Variants in CDK10 observed in about 807,000 individuals in gnomAD.
The protein encoded by CDK10 is cyclin dependent kinase 10.
A neutral mutation model predicts 51.0 loss-of-function variants in CDK10; 55 were observed. The ratio of observed to expected loss-of-function variants is 1.08; its 90% confidence interval spans 0.87 to 1.35. CDK10 has a LOEUF of 1.35. Among genes scored for constraint, CDK10 ranks in the 40% most tolerant of loss-of-function variants. CDK10 has a pLI of 0.00. For synonymous variants in CDK10, 255 were observed against 199.1 expected (o/e 1.28, Z -2.36); for missense variants, 589 against 485.1 (o/e 1.21, Z -2.01).
chr16:89,687,841 A>G (rs1597832519), intron 1 of CDK10: 2 of 346,990 alleles, frequency 5.8e-6, no homozygotes, highest in Non-Finnish European at 1.2e-5. Flanking sequence ...AAGGCGGGAA[A>G]GGGAGTTTGA....
In CDK10 at chr16:89,686,807, G is replaced by A; in HGVS notation, c.87+10G>A. The A allele has an allele frequency of 6.2e-7, 1 of 1,604,972 alleles. No homozygotes were observed. Among genetic ancestry groups the A allele is most frequent in the Non-Finnish European group, 8.5e-7 (1 of 1,175,048 alleles). ...GCCTCCGGAACACAGGGTGCGCGGG[G>A]TGCCACCCGGGCAGCTCTGCCCGCC... On this transcript the variant is annotated intron_variant, in intron 1 of 12. Transcript: ENST00000353379.
In CDK10 at chr16:89,695,865, C is replaced by T. The variant is rs547880451; in HGVS notation, c.*173C>T. 332 of 1,457,352 alleles carry T rather than the reference C, an allele frequency of 2.3e-4. No homozygotes were observed. Among genetic ancestry groups the T allele is most frequent in the Admixed American group, 3.0e-4 (15 of 50,682 alleles). The allele number at this position is 1,457,352 out of a possible 1,614,324, so 90.3% of individuals were successfully genotyped here. Reference sequence around the variant, plus strand: ...GTCTGCCCTGAACCCACTGCTGCCCCCAGAAAAAGGCCGGGTGACACCGGG... The same window carrying T: ...GTCTGCCCTGAACCCACTGCTGCCCTCAGAAAAAGGCCGGGTGACACCGGG... On this transcript the variant is annotated 3_prime_UTR_variant, in exon 13 of 13. Coordinates refer to ENST00000353379, the MANE Select transcript of CDK10 (RefSeq NM_052988.5).
chr16:89,694,163 C>T lies in CDK10; in HGVS notation c.609-10C>T. ...GCCGGCTGTATTGAGGTGGGTGCTT[C>T]TGTGTGTAGGTACCGAGCCCCTGAA... is the stretch of plus-strand genomic sequence containing the variant. On this transcript the variant is annotated splice_polypyrimidine_tract_variant and intron_variant, in intron 8 of 12. Transcript: ENST00000353379. 1 of 1,613,858 alleles carries T rather than the reference C, an allele frequency of 6.2e-7. No individual in the cohort carries two copies. Among genetic ancestry groups the T allele is most frequent in the Non-Finnish European group, 8.5e-7 (1 of 1,179,852 alleles).
Position 89,696,261 on chromosome 16 carries a change from C to T in CDK10, c.*569C>T. On this transcript the variant is annotated 3_prime_UTR_variant, in exon 13 of 13. Coordinates refer to ENST00000353379, the MANE Select transcript of CDK10 (RefSeq NM_052988.5). ...CCCTGGGCTGGAGGCTGAGCTGCAT[C>T]CCTGCTCCCCACATGGAGGACCCAA... The T allele has an allele frequency of 4.3e-6, 1 of 234,822 alleles. No individual in the cohort carries two copies. The highest frequency in any genetic ancestry group is 8.5e-6 in the Non-Finnish European group (1 of 118,256). The allele number at this position is 234,822 out of a possible 1,614,324, so 14.5% of individuals were successfully genotyped here.
At chr16:89,694,111 T>C (rs377388643) in intron 8 of CDK10, 62 bp from the exon 9 acceptor site, 2 of 1,533,048 alleles carry the variant, frequency 1.3e-6, no homozygotes, top group African/African-American at 1.4e-5. Context: ...GGCTGTGTCC[T>C]GTGGAGGCCT....
intron 12 of CDK10, 95 bp downstream of exon 12, chr16:89,695,440 C>T (rs2060677109): frequency 2.0e-6 from 3 of 1,479,512 alleles, no homozygotes; most frequent in South Asian, 1.2e-5. Context: ...GCTGCCCTCA[C>T]TGACGGCACA....
In CDK10 at chr16:89,694,252, G is replaced by A. The variant is rs144265826; in HGVS notation, c.668+20G>A. On this transcript the variant is annotated intron_variant, in intron 9 of 12. Coordinates refer to ENST00000353379, the MANE Select transcript of CDK10 (RefSeq NM_052988.5). ...CATGTGGTGAGGAGATACGGTTACC[G>A]CTCCTGGGGCCTCAGGAAGGGCTGG... The A allele has an allele frequency of 1.7e-4, 268 of 1,612,314 alleles. 2 individuals carry two copies. The African/African-American group carries it at 3.0e-3, about 18-fold the overall frequency.
chr16:89,694,349 CAGCCT>C, intron 9 of CDK10, 117 bp downstream of exon 9: 1 of 1,096,118 alleles, frequency 9.1e-7, no homozygotes, highest in Non-Finnish European at 1.4e-6. Flanking sequence ...GGGTCTTTGC[CAGCCT>C]CCCACTCCCA....
At chr16:89,690,525 T>C in intron 2 of CDK10, 28 bp from the exon 3 acceptor site, 2 of 1,606,926 alleles carry the variant, frequency 1.2e-6, no homozygotes, top group Non-Finnish European at 1.7e-6. Flanking sequence ...ATCGAGATGA[T>C]GTCATCACCA....
In CDK10 at chr16:89,693,278, C is replaced by G; in HGVS notation, c.490C>G (p.Leu164Val). The change falls in exon 7 of 13, where the codon CTG becomes GTG. Residue 164 changes from leucine (L) to valine (V), a missense_variant. Transcript: ENST00000353379. Reference protein sequence around the residue: ...LHRNFIIHRDLKVSNLLMTDK... With the variant: ...LHRNFIIHRDVKVSNLLMTDK... ...GCCACTGTTTTTCCATCACAGGGAC[C>G]TGAAGGTTTCCAACTTGCTCATGAC... 1 of 1,614,128 alleles carries G rather than the reference C, an allele frequency of 6.2e-7. No individual in the cohort carries two copies. The highest frequency in any genetic ancestry group is 8.5e-7 in the Non-Finnish European group (1 of 1,180,024).
At chr16:89,688,390 C>T (rs540386466) in intron 1 of CDK10, among the ~76,000 whole-genome samples, 12 of 152,254 alleles carry the variant, frequency 7.9e-5, no homozygotes, top group Admixed American at 6.5e-4. Context: ...CTTACATGTG[C>T]TTCTTAGATC....
chr16:89,694,837 TGCGCCCGCAGCCCCCGCCC>T (rs773006050), intron 10 of CDK10, 49 bp downstream of exon 10: 135 of 1,166,560 alleles, frequency 1.2e-4, no homozygotes, highest in Non-Finnish European at 1.4e-4. Context: ...CCACGCCCTC[TGCGCCCGCAGCCCCCGCCC>T]GTGCCCACGC....
intron 1 of CDK10, 79 bp from the exon 2 acceptor site, chr16:89,689,173 G>A (rs1409720316): frequency 7.3e-7 from 1 of 1,366,418 alleles, no homozygotes; most frequent in East Asian, 2.3e-5. Context: ...GGGCTCCCTG[G>A]TACAAATTCC....
At position 89,686,981 on chromosome 16, in the gene CDK10, C is replaced by A. The variant is rs2060218587; in HGVS notation, c.87+184C>A. ...GGGCGGGCTCAGGACCCCCGACAGCCGGTCCCTGGAGATCTGAGGGGCCGG... is the reference window on the plus strand; with the variant it reads ...GGGCGGGCTCAGGACCCCCGACAGCAGGTCCCTGGAGATCTGAGGGGCCGG... On this transcript the variant is annotated intron_variant, in intron 1 of 12. Coordinates refer to ENST00000353379, the MANE Select transcript of CDK10 (RefSeq NM_052988.5). 1.3e-5 allele frequency: 7 copies of A among 538,568 alleles called. No homozygotes were observed. The Admixed American group carries it at 1.5e-4, about 12-fold the overall frequency. The allele number at this position is 538,568 out of a possible 1,614,324, so 33.4% of individuals were successfully genotyped here. A position where few individuals can be genotyped will look rare whatever the true frequency, so the allele number is the denominator to read the frequency against.
At chr16:89,694,623 C>A (rs1403893066) in intron 9 of CDK10, 42 bp from the exon 10 acceptor site, 1 of 1,563,664 alleles carries the variant, frequency 6.4e-7, no homozygotes, top group Non-Finnish European at 8.6e-7. Flanking sequence ...CTGGCGGGGT[C>A]AGCAGACGTC....
chr16:89,687,048 C>G (rs1177365963), intron 1 of CDK10: 5 of 405,538 alleles, frequency 1.2e-5, no homozygotes, highest in Non-Finnish European at 2.2e-5. Context: ...GAGACGGGCC[C>G]GGGACTTGGG....
chr16:89,687,306 G>A lies in CDK10; in HGVS notation c.87+509G>A, dbSNP rs578094212. On this transcript the variant is annotated intron_variant, in intron 1 of 12. Transcript: ENST00000353379. ...CTCCCTCTGCAGAGACCAGGAGAGA[G>A]CCTCTGGGCGTTGGGCGGTGTTGCC... The A allele has an allele frequency of 2.5e-4, 94 of 373,622 alleles. 1 individual carries two copies. In the East Asian group the frequency reaches 5.0e-3, roughly 20 times the overall value. 23.1% of individuals were successfully genotyped at this position (373,622 alleles called of 1,614,324 possible). A position where few individuals can be genotyped will look rare whatever the true frequency, so the allele number is the denominator to read the frequency against.
chr16:89,688,535 T>A (rs2151559865), intron 1 of CDK10, among the ~76,000 whole-genome samples: 1 of 152,276 alleles, frequency 6.6e-6, no homozygotes, highest in Admixed American at 6.5e-5. Context: ...GCATTCTGGT[T>A]CCATTTTTTC....
intron 4 of CDK10, 124 bp downstream of exon 4, chr16:89,691,669 C>T (rs759717627): frequency 1.7e-6 from 2 of 1,209,724 alleles, no homozygotes; most frequent in Non-Finnish European, 2.4e-6. Context: ...ATGACCCCAC[C>T]TCACCGCCTG....
Sources: gnomAD v4.1 joint callset for allele counts (sites outside exome capture counted in the v4.1 genomes callset) on GRCh38, gnomAD v4.1.1 for gene constraint, MANE v1.5 for transcripts, NCBI Gene and HGNC (gene_info 2026-07-23, HGNC 2026-07-21) for gene names.